The following RBFOX1 variants were observed in gnomAD, a reference collection of about 807,000 sequenced individuals.
The protein encoded by RBFOX1 is RNA binding fox-1 homolog 1, also known as RNA binding protein fox-1 homolog 1.
Under a neutral mutation model 57.7 loss-of-function variants are expected in RBFOX1, and 8 were observed. The observed-to-expected ratio is 0.14, with a 90% CI of 0.08 to 0.25. The LOEUF is 0.25. RBFOX1 is among the 10% of genes least tolerant of loss of function. The pLI, the probability that RBFOX1 is intolerant of heterozygous loss-of-function variation, is 1.00. For synonymous variants in RBFOX1, 326 were observed against 222.4 expected (o/e 1.47, Z -4.15); for missense variants, 611 against 548.5 (o/e 1.11, Z -1.14).
chr16:6,946,890 T>C (rs1301355573), intron 3 of RBFOX1, among the ~76,000 whole-genome samples: 1 of 152,104 alleles, frequency 6.6e-6, no homozygotes, highest in East Asian at 1.9e-4. Context: ...ATTATAGGTA[T>C]GAGTCACCAC....
chr16:6,325,387 T>G (rs1185014811), intron 2 of RBFOX1, among the ~76,000 whole-genome samples: 1 of 152,196 alleles, frequency 6.6e-6, no homozygotes, highest in East Asian at 1.9e-4. Flanking sequence ...TTATGGATAA[T>G]GAAAGCAAAT....
At chr16:6,022,378 T>C (rs2095099357) in intron 1 of RBFOX1, among the ~76,000 whole-genome samples, 1 of 152,152 alleles carries the variant, frequency 6.6e-6, no homozygotes, top group Non-Finnish European at 1.5e-5. Flanking sequence ...GCAATTAGTA[T>C]GTTTAGATAT....
intron 3 of RBFOX1, among the ~76,000 whole-genome samples, chr16:6,708,293 C>CAG (rs2063120145): frequency 7.0e-6 from 1 of 142,810 alleles, no homozygotes; most frequent in Non-Finnish European, 1.6e-5. Context: ...TTTGAACACA[C>CAG]ACACACACAC....
intron 2 of RBFOX1, among the ~76,000 whole-genome samples, chr16:5,500,212 A>ATTCCGTTCCGTTCCGTTCCGTTCCG (rs113875675): frequency 7.4e-6 from 1 of 134,478 alleles, no homozygotes; most frequent in Non-Finnish European, 1.5e-5. Flanking sequence ...ATTCCATTGC[A>ATTCCGTTCCGTTCCGTTCCGTTCCG]TTCCGTTCCG....
intron 1 of RBFOX1, among the ~76,000 whole-genome samples, chr16:6,211,461 C>G (rs1225350091): frequency 5.3e-5 from 8 of 152,018 alleles, no homozygotes; most frequent in Non-Finnish European, 1.0e-4. Context: ...ATCTCCTGAC[C>G]ACGTGATCCA....
intron 1 of RBFOX1, among the ~76,000 whole-genome samples, chr16:6,141,033 G>C (rs544564717): frequency 2.0e-5 from 3 of 152,130 alleles, no homozygotes; most frequent in Non-Finnish European, 2.9e-5. Context: ...CCACATTGTT[G>C]TGAGACTGGA....
At chr16:7,436,265 A>G (rs776997810) in intron 4 of RBFOX1, among the ~76,000 whole-genome samples, 4 of 152,056 alleles carry the variant, frequency 2.6e-5, no homozygotes, top group Non-Finnish European at 4.4e-5. Context: ...CATCTTTCCT[A>G]TGGGTGGATG....
At chr16:6,428,105 A>C (rs1000504873) in intron 2 of RBFOX1, among the ~76,000 whole-genome samples, 2 of 151,988 alleles carry the variant, frequency 1.3e-5, no homozygotes, top group Non-Finnish European at 2.9e-5. Context: ...CAACATAGTG[A>C]GACCCCATCC....
At chr16:5,763,763 T>A (rs1323622285) in intron 3 of RBFOX1, among the ~76,000 whole-genome samples, 1 of 152,142 alleles carries the variant, frequency 6.6e-6, no homozygotes, top group African/African-American at 2.4e-5. Context: ...GCCCCAGAGA[T>A]TCACAGAGCT....
intron 3 of RBFOX1, among the ~76,000 whole-genome samples, chr16:7,007,380 G>A (rs1160334917): frequency 6.6e-6 from 1 of 152,152 alleles, no homozygotes; most frequent in East Asian, 1.9e-4. Flanking sequence ...AAAGTCTTGT[G>A]TTTTAAAGTG....
intron 4 of RBFOX1, among the ~76,000 whole-genome samples, chr16:7,477,440 T>A (rs1360365247): frequency 1.3e-5 from 2 of 152,162 alleles, no homozygotes; most frequent in Non-Finnish European, 2.9e-5. Context: ...TGGTTTTACA[T>A]CAGCATTAAT....
intron 2 of RBFOX1, among the ~76,000 whole-genome samples, chr16:5,475,510 A>G (rs2069290605): frequency 6.6e-6 from 1 of 152,248 alleles, no homozygotes; most frequent in African/African-American, 2.4e-5. Flanking sequence ...GGCATTGTCA[A>G]CTATAATTGG....
intron 3 of RBFOX1, among the ~76,000 whole-genome samples, chr16:6,673,010 A>G (rs1038278669): frequency 1.3e-5 from 2 of 152,182 alleles, no homozygotes; most frequent in African/African-American, 2.4e-5. Context: ...AATGCTAACA[A>G]TATGGAACCA....
intron 1 of RBFOX1, among the ~76,000 whole-genome samples, chr16:6,198,642 G>T (rs1256868961): frequency 6.6e-6 from 1 of 152,130 alleles, no homozygotes; most frequent in Non-Finnish European, 1.5e-5. Context: ...TAGGAATTTG[G>T]CAGGTAGAGG....
At chr16:5,806,448 T>A (rs1473008948) in intron 3 of RBFOX1, among the ~76,000 whole-genome samples, 1 of 152,166 alleles carries the variant, frequency 6.6e-6, no homozygotes, top group Non-Finnish European at 1.5e-5. Flanking sequence ...GCTAGTTGCC[T>A]CCAGCCCTGT....
In RBFOX1 at chr16:7,444,001, A is replaced by T. The variant is rs1444696022; in HGVS notation, c.28-74146A>T. 3.9e-5 allele frequency among the ~76,000 whole-genome samples: 6 copies of T among 152,318 alleles called. No individual in the cohort carries two copies. The South Asian group carries it at 8.3e-4, about 21-fold the overall frequency. ...TTCAAGAGAAACTTCCACTTTGCCT[A>T]TGAAGAAATAGTTAGAATTGTTTTC... On this transcript the variant is annotated intron_variant, in intron 4 of 15. Coordinates refer to ENST00000550418, the MANE Select transcript of RBFOX1 (RefSeq NM_018723.4).
intron 3 of RBFOX1, among the ~76,000 whole-genome samples, chr16:7,010,033 A>G (rs2093574721): frequency 1.2e-5 from 1 of 80,014 alleles, no homozygotes. Flanking sequence ...AACTCTTAAG[A>G]AAAAAAAAAT....
intron 3 of RBFOX1, among the ~76,000 whole-genome samples, chr16:6,957,135 T>TATTTATTC (rs2082030300): frequency 1.3e-5 from 2 of 150,112 alleles, no homozygotes; most frequent in South Asian, 4.2e-4. Flanking sequence ...TTTATTTATT[T>TATTTATTC]ATTTATTTAT....
intron 4 of RBFOX1, among the ~76,000 whole-genome samples, chr16:7,090,573 A>G (rs1269273815): frequency 6.6e-6 from 1 of 152,218 alleles, no homozygotes; most frequent in Non-Finnish European, 1.5e-5. Context: ...TCAGATTTAT[A>G]CATTTTTTTC....
Sources: allele counts gnomAD v4.1 joint callset (sites outside exome capture counted in the v4.1 genomes callset), GRCh38; gene constraint gnomAD v4.1.1; transcripts MANE v1.5; gene names NCBI Gene and HGNC (gene_info 2026-07-23, HGNC 2026-07-21).